Variants in SLC44A5 observed in about 807,000 individuals in gnomAD.
SLC44A5 encodes the protein choline transporter-like protein 5.
SLC44A5 carries 57 observed loss-of-function variants against 101.8 expected under a neutral mutation model. That is an observed-to-expected ratio of 0.56 (90% CI 0.45 to 0.70). The LOEUF is 0.70. Among genes scored for constraint, SLC44A5 ranks in the 30% least tolerant of loss-of-function variants. The pLI is 0.00. For synonymous variants in SLC44A5, 281 were observed against 290.9 expected, an observed-to-expected ratio of 0.97 and a Z score of 0.35; for missense variants, 737 against 853.1, an observed-to-expected ratio of 0.86 and a Z score of 1.70.
chr1:75,511,483 A>G (rs1384622914), intron 2 of SLC44A5, among the ~76,000 whole-genome samples: 1 of 152,210 alleles, frequency 6.6e-6, no homozygotes, highest in Non-Finnish European at 1.5e-5. Flanking sequence ...TTTTTATCCA[A>G]AAAAACTACA....
chr1:75,258,852 T>C (rs985029200), intron 6 of SLC44A5, among the ~76,000 whole-genome samples: 6 of 45,966 alleles, frequency 1.3e-4, no homozygotes, highest in Admixed American at 6.5e-4. Context: ...TCTTGGCCAT[T>C]CTGCGATTCT....
chr1:75,503,808 G>A (rs530813797), intron 2 of SLC44A5, among the ~76,000 whole-genome samples: 2 of 152,134 alleles, frequency 1.3e-5, no homozygotes, highest in Non-Finnish European at 2.9e-5. Flanking sequence ...ACTCGGTCAG[G>A]CTAATCCAAC....
At chr1:75,251,170 A>G (rs763022575) in intron 7 of SLC44A5, 40 bp downstream of exon 7, 2 of 1,463,494 alleles carry the variant, frequency 1.4e-6, no homozygotes, top group Non-Finnish European at 1.9e-6. Context: ...AAGAATGTTC[A>G]GAACGGCTGA....
intron 12 of SLC44A5, among the ~76,000 whole-genome samples, chr1:75,233,367 G>A (rs1453721662): frequency 1.3e-5 from 2 of 151,764 alleles, no homozygotes; most frequent in Non-Finnish European, 1.5e-5. Flanking sequence ...ACCCTTCCAC[G>A]TTCCCACTGT....
intron 13 of SLC44A5, among the ~76,000 whole-genome samples, chr1:75,223,265 G>A (rs1413130790): frequency 6.6e-6 from 1 of 152,084 alleles, no homozygotes; most frequent in Non-Finnish European, 1.5e-5. Context: ...GTTTGACGAG[G>A]CACTTCTATA....
At position 75,400,685 on chromosome 1, in the gene SLC44A5, G is replaced by T. The variant is rs563926279; in HGVS notation, c.14-4064C>A. Among the ~76,000 whole-genome samples the T allele has an allele frequency of 3.9e-5, 6 of 152,230 alleles. No homozygotes were observed. The South Asian group carries it at 1.2e-3, about 32-fold the overall frequency. On this transcript the variant is annotated intron_variant, in intron 2 of 23. Transcript: ENST00000370859. ...TTCTGCCTTAGTTGCTTTGCCCAGG[G>T]CTCCATTCCCCTTTCCTGAGCCCAC... is the stretch of plus-strand genomic sequence containing the variant.
At chr1:75,556,763 C>T (rs1383673976) in intron 1 of SLC44A5, among the ~76,000 whole-genome samples, 5 of 152,008 alleles carry the variant, frequency 3.3e-5, no homozygotes, top group African/African-American at 7.2e-5. Flanking sequence ...TGGACAAGGA[C>T]GGGTAGGCTG....
intron 7 of SLC44A5, among the ~76,000 whole-genome samples, chr1:75,247,442 T>C (rs1294470568): frequency 6.6e-6 from 1 of 152,052 alleles, no homozygotes; most frequent in African/African-American, 2.4e-5. Context: ...CATGGGTGGT[T>C]GGATAGAAAG....
At chr1:75,219,686 A>C in intron 15 of SLC44A5, 114 bp downstream of exon 15, 1 of 669,558 alleles carries the variant, frequency 1.5e-6, no homozygotes. Flanking sequence ...AAAAATAGTT[A>C]TTTCTTAGTA....
At position 75,250,856 on chromosome 1, in the gene SLC44A5, A is replaced by T. The variant is rs182056414; in HGVS notation, c.345+354T>A. On this transcript the variant is annotated intron_variant, in intron 7 of 23. Coordinates refer to ENST00000370859, the MANE Select transcript of SLC44A5 (RefSeq NM_001130058.2). The stretch of plus-strand genomic sequence containing the variant: ...AAAATAAATGTTATTGTGTGAAGTC[A>T]CTGAAAAACGTGGTTTGTTAGTTAT... 2.6e-5 allele frequency among the ~76,000 whole-genome samples: 4 copies of T among 152,310 alleles called. No homozygotes were observed. The East Asian group carries it at 7.7e-4, about 29-fold the overall frequency.
At chr1:75,387,048 C>G (rs151182849) in intron 3 of SLC44A5, among the ~76,000 whole-genome samples, 4 of 151,936 alleles carry the variant, frequency 2.6e-5, no homozygotes, top group Admixed American at 6.6e-5. Context: ...ACACCTTATA[C>G]AAAAATCAAT....
At chr1:75,459,029 T>C (rs576127130) in intron 2 of SLC44A5, among the ~76,000 whole-genome samples, 10 of 152,190 alleles carry the variant, frequency 6.6e-5, no homozygotes, top group South Asian at 6.2e-4. Flanking sequence ...GCCAGAAGAA[T>C]GGATGAGCTC....
At chr1:75,468,266 C>A (rs1250682517) in intron 2 of SLC44A5, among the ~76,000 whole-genome samples, 1 of 152,030 alleles carries the variant, frequency 6.6e-6, no homozygotes, top group Non-Finnish European at 1.5e-5. Flanking sequence ...TTTGAGATTC[C>A]TCAAAAAATT....
chr1:75,405,611 G>A (rs557423352), intron 2 of SLC44A5, among the ~76,000 whole-genome samples: 54 of 152,220 alleles, frequency 3.5e-4, no homozygotes, highest in African/African-American at 1.3e-3. Context: ...TGACTACTGG[G>A]TAAACAGCAA....
chr1:75,257,796 C>T (rs950551379), intron 6 of SLC44A5, among the ~76,000 whole-genome samples: 2 of 152,036 alleles, frequency 1.3e-5, no homozygotes, highest in Non-Finnish European at 2.9e-5. Flanking sequence ...TCTGCAGCTC[C>T]CAGCGAGAAC....
chr1:75,329,636 T>C (rs1656871122), intron 4 of SLC44A5, among the ~76,000 whole-genome samples: 1 of 152,168 alleles, frequency 6.6e-6, no homozygotes, highest in Non-Finnish European at 1.5e-5. Context: ...AATAAACTAA[T>C]GCACAATCTG....
At chr1:75,408,480 T>C (rs910471921) in intron 2 of SLC44A5, among the ~76,000 whole-genome samples, 3 of 152,072 alleles carry the variant, frequency 2.0e-5, no homozygotes, top group South Asian at 2.1e-4. Context: ...CCATCAATGA[T>C]AGACTAGATA....
At chr1:75,441,091 T>C (rs868577615) in intron 2 of SLC44A5, among the ~76,000 whole-genome samples, 26 of 152,132 alleles carry the variant, frequency 1.7e-4, no homozygotes, top group African/African-American at 5.3e-4. Flanking sequence ...CCTTGAATTG[T>C]TAAAGAGGAG....
chr1:75,215,962 G>T (rs1172049411), intron 18 of SLC44A5, 105 bp from the exon 19 acceptor site: 9 of 667,632 alleles, frequency 1.3e-5, no homozygotes, highest in Admixed American at 3.1e-5. Context: ...ATTTTTTATT[G>T]TTATAAAATA....
Sources: allele counts gnomAD v4.1 joint callset (sites outside exome capture counted in the v4.1 genomes callset), GRCh38; gene constraint gnomAD v4.1.1; transcripts MANE v1.5; gene names NCBI Gene and HGNC (gene_info 2026-07-23, HGNC 2026-07-21).